OPCML: variants seen among roughly 807,000 people sequenced by gnomAD.
The protein encoded by OPCML is opioid binding protein/cell adhesion molecule like, also known as opioid-binding protein/cell adhesion molecule.
OPCML carries 13 observed loss-of-function variants against 37.8 expected under a neutral mutation model. The ratio of observed to expected loss-of-function variants is 0.34; its 90% CI spans 0.22 to 0.55. The LOEUF (loss-of-function observed/expected upper bound fraction) is 0.55, where lower values mean the gene tolerates loss of function less well. OPCML is among the 20% of genes least tolerant of loss of function. OPCML has a pLI of 0.91. For missense variants in OPCML, 341 were observed against 435.6 expected (o/e 0.78, Z 1.93); for synonymous variants, 176 against 168.8 (o/e 1.04, Z -0.33).
intron 1 of OPCML, among the ~76,000 whole-genome samples, chr11:133,505,943 T>C (rs1948023000): frequency 6.6e-6 from 1 of 152,204 alleles, no homozygotes; most frequent in Non-Finnish European, 1.5e-5. Flanking sequence ...GGTTAGAAGT[T>C]CGCACCATTT....
At chr11:133,530,551 A>G (rs1948584581) in intron 1 of OPCML, among the ~76,000 whole-genome samples, 3 of 152,206 alleles carry the variant, frequency 2.0e-5, no homozygotes, top group African/African-American at 7.2e-5. Context: ...CAGTGCACCC[A>G]CCTAGCTCCC....
At chr11:132,724,944 G>T (rs1440000582) in intron 2 of OPCML, among the ~76,000 whole-genome samples, 1 of 152,170 alleles carries the variant, frequency 6.6e-6, no homozygotes, top group African/African-American at 2.4e-5. Flanking sequence ...CAACTCCGTG[G>T]TTTTGCAGGG....
chr11:133,528,474 G>T (rs1591602467), intron 1 of OPCML, among the ~76,000 whole-genome samples: 1 of 152,300 alleles, frequency 6.6e-6, no homozygotes, highest in Non-Finnish European at 1.5e-5. Context: ...CTCTTAGCAG[G>T]TTCGCCGGCT....
intron 3 of OPCML, among the ~76,000 whole-genome samples, chr11:132,617,122 A>G (rs887695913): frequency 2.6e-5 from 4 of 152,220 alleles, no homozygotes; most frequent in African/African-American, 4.8e-5. Flanking sequence ...GATACTCTGA[A>G]TCTTTCTATA....
At chr11:133,526,033 G>A (rs960729987) in intron 1 of OPCML, among the ~76,000 whole-genome samples, 5 of 152,176 alleles carry the variant, frequency 3.3e-5, no homozygotes, top group African/African-American at 7.2e-5. Context: ...ATTAAGTTAG[G>A]CTAGTGACTG....
intron 1 of OPCML, among the ~76,000 whole-genome samples, chr11:133,489,407 AAAAGTGGAC>A (rs1394201270): frequency 5.9e-5 from 9 of 152,338 alleles, no homozygotes; most frequent in African/African-American, 1.7e-4. Context: ...AACCCCATTT[AAAAGTGGAC>A]AAAGGACATA....
intron 3 of OPCML, among the ~76,000 whole-genome samples, chr11:132,617,925 G>A (rs1278671611): frequency 9.9e-5 from 15 of 152,198 alleles, no homozygotes; most frequent in Admixed American, 9.2e-4. Context: ...TGGCTTCAAT[G>A]TATGAATTTT....
intron 3 of OPCML, among the ~76,000 whole-genome samples, chr11:132,567,393 A>G (rs998445520): frequency 6.6e-6 from 1 of 152,314 alleles, no homozygotes; most frequent in Middle Eastern, 3.4e-3. Flanking sequence ...TTGAATAAAC[A>G]TGGTTCTCCT....
chr11:132,691,785 T>C (rs140751914), intron 2 of OPCML, among the ~76,000 whole-genome samples: 2 of 152,350 alleles, frequency 1.3e-5, no homozygotes, highest in African/African-American at 4.8e-5. Context: ...CTACTCAGCA[T>C]GAGAAGGAAA....
At chr11:132,893,677 A>G (rs578035324) in intron 2 of OPCML, among the ~76,000 whole-genome samples, 52 of 152,356 alleles carry the variant, frequency 3.4e-4, no homozygotes, top group African/African-American at 1.2e-3. Flanking sequence ...AATATCGCAA[A>G]ATCTGTTTTA....
chr11:133,250,216 G>A lies in OPCML; in HGVS notation c.61+282048C>T, dbSNP rs144146038. Among the ~76,000 whole-genome samples the A allele has an allele frequency of 5.9e-5, 9 of 152,274 alleles. No individual in the cohort carries two copies. In the East Asian group the frequency reaches 1.2e-3, roughly 20 times the overall value. On this transcript the variant is annotated intron_variant, in intron 1 of 7. Coordinates refer to ENST00000524381, the MANE Select transcript of OPCML (RefSeq NM_001012393.5). ...TCTTTAGGCTTTACACATATAATAT[G>A]TTCCCTCTTATGTATTTCTGTTATA...
intron 3 of OPCML, among the ~76,000 whole-genome samples, chr11:132,654,171 C>T (rs1233919987): frequency 6.6e-6 from 1 of 152,314 alleles, no homozygotes; most frequent in East Asian, 1.9e-4. Flanking sequence ...TCTCTACATC[C>T]ACCCTCTGGT....
At chr11:132,779,559 G>A (rs965178119) in intron 2 of OPCML, among the ~76,000 whole-genome samples, 8 of 151,742 alleles carry the variant, frequency 5.3e-5, no homozygotes, top group Admixed American at 6.6e-5. Flanking sequence ...AGACAGAAGG[G>A]GGGCGTGGGG....
chr11:132,804,545 G>A (rs908151082), intron 2 of OPCML, among the ~76,000 whole-genome samples: 3 of 152,144 alleles, frequency 2.0e-5, no homozygotes, highest in African/African-American at 7.2e-5. Context: ...TGCAGTGCCT[G>A]GAGATTTTGA....
intron 4 of OPCML, among the ~76,000 whole-genome samples, chr11:132,450,063 G>A (rs1262664774): frequency 2.6e-5 from 4 of 152,162 alleles, no homozygotes; most frequent in African/African-American, 9.7e-5. Flanking sequence ...GATGTGACAT[G>A]GTGGCTGCAG....
In OPCML at chr11:132,660,450, T is replaced by C. The variant is rs1941917818; in HGVS notation, c.147-3131A>G. ...AAAATACCTGACTCGCAAAGGGGTTTATAACATGGCATCAAATTCATTCAA... is the reference window on the plus strand; with the variant it reads ...AAAATACCTGACTCGCAAAGGGGTTCATAACATGGCATCAAATTCATTCAA... On this transcript the variant is annotated intron_variant, in intron 2 of 7. Coordinates refer to ENST00000524381, the MANE Select transcript of OPCML (RefSeq NM_001012393.5). 1.3e-5 allele frequency among the ~76,000 whole-genome samples: 2 copies of C among 152,214 alleles called. 1 individual carries two copies. Among genetic ancestry groups the C allele is most frequent in the Admixed American group, 1.3e-4 (2 of 15,278 alleles).
At chr11:133,353,819 G>A (rs1332567170) in intron 1 of OPCML, among the ~76,000 whole-genome samples, 1 of 152,174 alleles carries the variant, frequency 6.6e-6, no homozygotes, top group East Asian at 1.9e-4. Context: ...GAGGCTTTAT[G>A]CCTGCTGTTC....
intron 1 of OPCML, among the ~76,000 whole-genome samples, chr11:133,132,124 A>G (rs115596938): frequency 0.012 from 1,853 of 152,314 alleles, 49 homozygotes; most frequent in African/African-American, 0.041. Flanking sequence ...AGTGTTTTCA[A>G]ATCATACAGC....
intron 2 of OPCML, among the ~76,000 whole-genome samples, chr11:132,690,395 C>T (rs1028159600): frequency 6.6e-6 from 1 of 152,288 alleles, no homozygotes; most frequent in East Asian, 1.9e-4. Flanking sequence ...AATGCTTATG[C>T]TGCTGGTATG....
Sources: allele counts gnomAD v4.1 joint callset (sites outside exome capture counted in the v4.1 genomes callset), GRCh38; gene constraint gnomAD v4.1.1; transcripts MANE v1.5; gene names NCBI Gene and HGNC (gene_info 2026-07-23, HGNC 2026-07-21).